Variants in VWA8 observed in about 807,000 individuals in gnomAD.
VWA8 encodes von Willebrand factor A domain-containing protein 8.
VWA8 carries 221 observed loss-of-function variants against 241.5 expected under a neutral mutation model. The observed-to-expected ratio is 0.91, with a 90% CI of 0.82 to 1.02. VWA8 has a LOEUF of 1.02. Among genes scored for constraint, VWA8 ranks in the 50% least tolerant of loss-of-function variants. The pLI is 0.00. For synonymous variants in VWA8, 852 were observed against 827.1 expected, an observed-to-expected ratio of 1.03 and a Z score of -0.52; for missense variants, 2,322 against 2,328.7, an observed-to-expected ratio of 1.00 and a Z score of 0.06.
intron 1 of VWA8, among the ~76,000 whole-genome samples, chr13:41,959,375 C>T (rs1002362167): frequency 2.0e-5 from 3 of 151,646 alleles, no homozygotes; most frequent in Admixed American, 1.3e-4. Context: ...TTATGCTATA[C>T]TTCCACCTTT....
intron 39 of VWA8, among the ~76,000 whole-genome samples, chr13:41,610,226 A>G (rs1467521451): frequency 1.3e-5 from 2 of 152,208 alleles, no homozygotes; most frequent in Non-Finnish European, 2.9e-5. Context: ...TTTATAATTC[A>G]TAAGAAATGC....
chr13:41,944,135 T>TAATAAA (rs1877735290), intron 2 of VWA8, among the ~76,000 whole-genome samples: 1 of 138,602 alleles, frequency 7.2e-6, no homozygotes, highest in Non-Finnish European at 1.6e-5. Flanking sequence ...ATAATAATAA[T>TAATAAA]AAATAAATAA....
At chr13:41,830,243 A>C (rs1319266073) in intron 14 of VWA8, among the ~76,000 whole-genome samples, 1 of 141,562 alleles carries the variant, frequency 7.1e-6, no homozygotes, top group Non-Finnish European at 1.6e-5. Context: ...ACTCTGTCTC[A>C]AAAAAAAAAA....
chr13:41,815,324 A>G (rs80213756), intron 16 of VWA8, among the ~76,000 whole-genome samples: 23,381 of 152,220 alleles, frequency 0.15, 1,898 homozygotes, highest in Non-Finnish European at 0.19. Context: ...TATCCTCCCA[A>G]AAATCCACAT....
chr13:41,927,721 G>C (rs1876917118), intron 2 of VWA8, among the ~76,000 whole-genome samples: 1 of 152,046 alleles, frequency 6.6e-6, no homozygotes, highest in African/African-American at 2.4e-5. Flanking sequence ...AAAACAGCCA[G>C]AAAACAAATA....
At chr13:41,884,618 C>T (rs1874424699) in intron 8 of VWA8, among the ~76,000 whole-genome samples, 2 of 150,684 alleles carry the variant, frequency 1.3e-5, no homozygotes, top group Admixed American at 1.3e-4. Context: ...ACAAATGTGG[C>T]AATATATTAA....
rs566853650 is a variant in VWA8, at chr13:41,567,474, T to C, written c.*723A>G. On this transcript the variant is annotated 3_prime_UTR_variant, in exon 45 of 45. Coordinates refer to ENST00000379310, the MANE Select transcript of VWA8 (RefSeq NM_015058.2). The stretch of plus-strand genomic sequence containing the variant: ...AAGAACAGAAGAAACAGTAAACTTT[T>C]AAGGCAAGACATCTTTCTCCTCCCA... 3.3e-4 allele frequency: 51 copies of C among 152,342 alleles called. No individual in the cohort carries two copies. The highest frequency in any genetic ancestry group is 1.2e-3 in the African/African-American group (49 of 41,576). 9.4% of individuals were successfully genotyped at this position (152,342 alleles called of 1,614,324 possible).
intron 1 of VWA8, among the ~76,000 whole-genome samples, chr13:41,956,945 T>C (rs1464103788): frequency 3.3e-5 from 5 of 152,190 alleles, no homozygotes; most frequent in Admixed American, 3.3e-4. Context: ...TGTATCTGTA[T>C]AAATATACAT....
At chr13:41,661,980 G>C (rs941994914) in intron 37 of VWA8, among the ~76,000 whole-genome samples, 5 of 152,176 alleles carry the variant, frequency 3.3e-5, no homozygotes, top group Non-Finnish European at 7.4e-5. Flanking sequence ...ATTTTGGACA[G>C]TCTATTCTGT....
At chr13:41,877,079 T>C (rs972958108) in intron 9 of VWA8, among the ~76,000 whole-genome samples, 4 of 152,062 alleles carry the variant, frequency 2.6e-5, no homozygotes, top group African/African-American at 9.7e-5. Flanking sequence ...GTCTGCTAGA[T>C]AAAACCACCA....
chr13:41,602,197 T>C (rs534633654), intron 40 of VWA8, among the ~76,000 whole-genome samples: 1 of 152,042 alleles, frequency 6.6e-6, no homozygotes, highest in Non-Finnish European at 1.5e-5. Flanking sequence ...CCCCTATGGA[T>C]TAAAAATAGA....
intron 37 of VWA8, among the ~76,000 whole-genome samples, chr13:41,661,533 A>T (rs2044950114): frequency 6.6e-6 from 1 of 152,214 alleles, no homozygotes; most frequent in Non-Finnish European, 1.5e-5. Flanking sequence ...CTCCATCTGC[A>T]AATAACATAC....
chr13:41,609,126 C>A lies in VWA8; in HGVS notation c.4877+2450G>T, dbSNP rs556777811. 1.1e-4 allele frequency among the ~76,000 whole-genome samples: 16 copies of A among 152,196 alleles called. 1 individual carries two copies. The South Asian group carries it at 3.3e-3, about 32-fold the overall frequency. ...TCTTGGTGTAGGTCCTGGGGTTATA[C>A]TAGAGCACAAAACAGATGGATGCCT... On this transcript the variant is annotated intron_variant, in intron 39 of 44. Coordinates refer to ENST00000379310, the MANE Select transcript of VWA8 (RefSeq NM_015058.2).
chr13:41,739,701 T>C (rs2045551605), intron 21 of VWA8, among the ~76,000 whole-genome samples: 1 of 152,138 alleles, frequency 6.6e-6, no homozygotes, highest in African/African-American at 2.4e-5. Flanking sequence ...TGAGTCTTTA[T>C]GATAGATATT....
chr13:41,714,866 A>G (rs1158055213), intron 26 of VWA8, among the ~76,000 whole-genome samples: 7 of 151,980 alleles, frequency 4.6e-5, no homozygotes, highest in African/African-American at 7.2e-5. Flanking sequence ...ATCACGGTCA[A>G]TGATGAGTTC....
chr13:41,907,478 A>C, intron 4 of VWA8, 108 bp downstream of exon 4: 2 of 920,786 alleles, frequency 2.2e-6, no homozygotes, highest in Non-Finnish European at 3.4e-6. Flanking sequence ...AGAGAGCACA[A>C]TACAACTACC....
At chr13:41,816,603 A>C (rs969248130) in intron 16 of VWA8, 95 bp downstream of exon 16, 2 of 1,218,702 alleles carry the variant, frequency 1.6e-6, no homozygotes, top group Non-Finnish European at 2.3e-6. Context: ...ATAAAATACC[A>C]GCTTAAAAAA....
intron 19 of VWA8, among the ~76,000 whole-genome samples, chr13:41,781,593 T>A (rs902735023): frequency 6.6e-6 from 1 of 152,180 alleles, no homozygotes; most frequent in Non-Finnish European, 1.5e-5. Flanking sequence ...AAGGCCAGAC[T>A]CATAATGGGT....
At chr13:41,920,616 G>A (rs1000251569) in intron 2 of VWA8, among the ~76,000 whole-genome samples, 4 of 152,070 alleles carry the variant, frequency 2.6e-5, no homozygotes, top group South Asian at 4.2e-4. Context: ...TATTACCACC[G>A]ATCCCACAGA....
Sources: gnomAD v4.1 joint callset for allele counts (sites outside exome capture counted in the v4.1 genomes callset) on GRCh38, gnomAD v4.1.1 for gene constraint, MANE v1.5 for transcripts, NCBI Gene and HGNC (gene_info 2026-07-23, HGNC 2026-07-21) for gene names.